H3C6: variants seen among roughly 807,000 people sequenced by gnomAD.
The protein encoded by H3C6 is H3 clustered histone 6, also known as histone H3.1.
H3C6 carries 17 observed loss-of-function variants against 8.0 expected under a neutral mutation model. That is an observed-to-expected ratio of 2.13 (90% CI 1.46 to 3.19). The LOEUF (loss-of-function observed/expected upper bound fraction) is 3.19, where lower values mean the gene tolerates loss of function less well. Among genes scored for constraint, H3C6 ranks in the 30% most tolerant of loss-of-function variants. H3C6 has a pLI of 0.00. For synonymous variants in H3C6, 169 were observed against 78.0 expected (o/e 2.17, Z -6.15); for missense variants, 298 against 193.8 (o/e 1.54, Z -3.19).
chr6:26,225,823 C>A, downstream of H3C6: 2 of 409,200 alleles, frequency 4.9e-6, no homozygotes, highest in South Asian at 3.4e-5. Flanking sequence ...TTTTGCTGTT[C>A]AGGCCCTCTG....
rs373191877 is a variant in H3C6, at chr6:26,225,461, G to T, written c.307G>T (p.Gly103Trp). 3.7e-6 allele frequency: 6 copies of T among 1,614,238 alleles called. No individual in the cohort carries two copies. Among genetic ancestry groups the T allele is most frequent in the Non-Finnish European group, 4.2e-6 (5 of 1,180,044 alleles). The stretch of plus-strand genomic sequence containing the variant: ...GGAGGCCTGCGAGGCCTACTTGGTG[G>T]GGCTTTTCGAGGACACCAACCTGTG... The part of the protein sequence containing the change: ...LQEACEAYLV[G>W]LFEDTNLCAI... The change falls in exon 1 of 1, where the codon GGG becomes TGG. Residue 103 changes from glycine to tryptophan, a missense_variant. Gly to Trp is a radical substitution (Grantham distance 184, BLOSUM62 -2). Transcript: ENST00000614911.
At chr6:26,225,685 G>A (rs1390532678), downstream of H3C6, 4 of 1,217,300 alleles carry the variant, frequency 3.3e-6, no homozygotes, top group African/African-American at 3.0e-5. Context: ...GATCCAAATA[G>A]ACATTTGAAA....
At chr6:26,226,513 T>C (rs1442352317), downstream of H3C6, 2 of 152,328 alleles carry the variant, frequency 1.3e-5, no homozygotes. Context: ...TGCCTCAGCC[T>C]TCCGAGTAGC....
upstream of H3C6, chr6:26,224,923 CAAA>C (rs1332053263): frequency 2.0e-4 from 87 of 425,294 alleles, 2 homozygotes; most frequent in East Asian, 3.5e-3. Context: ...CGTGAAACAT[CAAA>C]GAAACCTGTA....
At chr6:26,224,459 A>T (rs186138019), upstream of H3C6, among the ~76,000 whole-genome samples, 22 of 152,342 alleles carry the variant, frequency 1.4e-4, no homozygotes, top group African/African-American at 5.3e-4. Flanking sequence ...CTTTTTCAAG[A>T]TTTTAAATTG....
Position 26,225,421 on chromosome 6 carries a change from G to T in H3C6, c.267G>T (p.Ala89=). 4 of 1,614,264 alleles carry T rather than the reference G, an allele frequency of 2.5e-6. No homozygotes were observed. The highest frequency in any genetic ancestry group is 3.4e-6 in the Non-Finnish European group (4 of 1,180,040). ...FKTDLRFQSS[A]VMALQEACEA... ...CCGACCTGCGCTTCCAGAGTTCCGCGGTGATGGCGCTGCAGGAGGCCTGCG... is the reference window on the plus strand; with the variant it reads ...CCGACCTGCGCTTCCAGAGTTCCGCTGTGATGGCGCTGCAGGAGGCCTGCG... The change falls in exon 1 of 1, where the codon GCG becomes GCT. Residue 89 remains alanine, a synonymous_variant. Transcript: ENST00000614911.
At position 26,225,406 on chromosome 6, in the gene H3C6, C is replaced by G. The variant is rs141981231; in HGVS notation, c.252C>G (p.Arg84=). 24 of 1,614,162 alleles carry G rather than the reference C, an allele frequency of 1.5e-5. No homozygotes were observed. The African/African-American group carries it at 3.1e-4, about 21-fold the overall frequency. The change falls in exon 1 of 1, where the codon CGC becomes CGG. Residue 84 remains arginine (R), a synonymous_variant. Transcript: ENST00000614911. ...EIAQDFKTDL[R]FQSSAVMALQ... ...CTCAGGACTTCAAGACCGACCTGCG[C>G]TTCCAGAGTTCCGCGGTGATGGCGC... is the stretch of plus-strand genomic sequence containing the variant.
At chr6:26,226,778 A>G (rs1664025000), downstream of H3C6, 1 of 152,236 alleles carries the variant, frequency 6.6e-6, no homozygotes, top group Admixed American at 6.5e-5. Context: ...ACGAAATCAT[A>G]CAGGCTGTTA....
At chr6:26,225,128 C>T (rs763575860), upstream of H3C6, 14 of 1,527,358 alleles carry the variant, frequency 9.2e-6, no homozygotes, top group Middle Eastern at 1.8e-4. Context: ...ACCAATCTTC[C>T]TAACTCATTT....
chr6:26,225,257 G>T lies in H3C6; in HGVS notation c.103G>T (p.Gly35Cys). Residue 35 changes from glycine (G) to cysteine (C), a missense_variant, in exon 1 of 1, where the codon GGC becomes TGC. Coordinates refer to ENST00000614911, the MANE Select transcript of H3C6 (RefSeq NM_003532.3). Reference protein sequence around the residue: ...AARKSAPATGGVKKPHRYRPG... With the variant: ...AARKSAPATGCVKKPHRYRPG... Reference sequence around the variant, plus strand: ...TCGCAAGAGCGCTCCGGCCACGGGCGGCGTGAAGAAGCCCCATCGCTACCG... The same window carrying T: ...TCGCAAGAGCGCTCCGGCCACGGGCTGCGTGAAGAAGCCCCATCGCTACCG... 6.2e-7 allele frequency: 1 copy of T among 1,613,912 alleles called. No homozygotes were observed. Among genetic ancestry groups the T allele is most frequent in the Non-Finnish European group, 8.5e-7 (1 of 1,179,872 alleles).
At chr6:26,226,357 TTTTCTTA>T (rs1379266304), downstream of H3C6, 1 of 142,518 alleles carries the variant, frequency 7.0e-6, no homozygotes, top group African/African-American at 2.6e-5. Context: ...TGCTTTTTTC[TTTTCTTA>T]TTTATTTATT....
rs546816945 is a variant in H3C6, at chr6:26,225,209, A to C, written c.55A>C (p.Lys19Gln). ...RKSTGGKAPR[K>Q]QLATKAARKS... ...ATCCACAGGCGGTAAAGCACCGCGC[A>C]AACAGCTGGCCACTAAGGCAGCTCG... Residue 19 changes from lysine to glutamine, a missense_variant, in exon 1 of 1, where the codon AAA (lysine) becomes CAA (glutamine). By Grantham distance (53) the Lys-to-Gln change is moderately conservative. Transcript: ENST00000614911. The C allele has an allele frequency of 1.2e-6, 2 of 1,604,756 alleles. No homozygotes were observed. The highest frequency in any genetic ancestry group is 1.7e-6 in the Non-Finnish European group (2 of 1,175,468).
chr6:26,225,712 C>G, downstream of H3C6: 4 of 1,016,100 alleles, frequency 3.9e-6, no homozygotes, highest in Non-Finnish European at 5.6e-6. Flanking sequence ...CATTCAGTTC[C>G]CTCGATGCTT....
Position 26,225,207 on chromosome 6 carries a change from GCAAA to G in H3C6, c.56_59del (p.Lys19SerfsTer17). On this transcript the variant is annotated frameshift_variant, in exon 1 of 1. Coordinates refer to ENST00000614911, the MANE Select transcript of H3C6 (RefSeq NM_003532.3). LOFTEE classifies it high-confidence loss of function. ...AAATCCACAGGCGGTAAAGCACCGC[GCAAA>G]CAGCTGGCCACTAAGGCAGCTCGCA... The G allele has an allele frequency of 6.2e-7, 1 of 1,603,304 alleles. No homozygotes were observed. Among genetic ancestry groups the G allele is most frequent in the Non-Finnish European group, 8.5e-7 (1 of 1,174,654 alleles).
chr6:26,225,856 C>A, downstream of H3C6: 2 of 295,706 alleles, frequency 6.8e-6, 1 homozygote, highest in Non-Finnish European at 1.3e-5. Flanking sequence ...ACATTGTTCT[C>A]GTTTTCTAAA....
chr6:26,225,617 CT>C (rs1460925926), downstream of H3C6: 17 of 1,560,424 alleles, frequency 1.1e-5, no homozygotes, highest in Non-Finnish European at 1.4e-5. Context: ...GAGCCAACCA[CT>C]TTGTCCGTGA....
rs1472679242 is a variant in H3C6 at position 26,225,546 on chromosome 6, T to C, written c.392T>C (p.Ile131Thr). ...AAAGACATCCAGCTTGCCCGCCGCA[T>C]TCGTGGGGAGAGGGCGTGAATTGTT... ...MPKDIQLARR[I>T]RGERA is the part of the protein sequence containing the mutation. The change falls in exon 1 of 1, where the codon ATT (isoleucine) becomes ACT (threonine). Residue 131 changes from isoleucine to threonine, a missense_variant. By Grantham distance (89) the Ile-to-Thr change is moderately conservative. Coordinates refer to ENST00000614911, the MANE Select transcript of H3C6 (RefSeq NM_003532.3). The C allele has an allele frequency of 6.2e-7, 1 of 1,613,848 alleles. No homozygotes were observed. The highest frequency in any genetic ancestry group is 2.2e-5 in the East Asian group (1 of 44,880).
Position 26,225,588 on chromosome 6 carries a change from AATC to A in H3C6, c.*24_*26del, listed in dbSNP as rs757613334. On this transcript the variant is annotated 3_prime_UTR_variant, in exon 1 of 1. Coordinates refer to ENST00000614911, the MANE Select transcript of H3C6 (RefSeq NM_003532.3). The stretch of plus-strand genomic sequence containing the variant: ...TGAATTGTTTTGAGTACAAACCTTA[AATC>A]CAAAGGCTCTTCTCAGAGCCAACCA... 17 of 1,599,728 alleles carry A rather than the reference AATC, an allele frequency of 1.1e-5. No individual in the cohort carries two copies. Among genetic ancestry groups the A allele is most frequent in the Non-Finnish European group, 1.3e-5 (15 of 1,173,018 alleles).
chr6:26,225,707 A>T (rs111361052), downstream of H3C6: 2,054 of 1,053,976 alleles, frequency 1.9e-3, 16 homozygotes, highest in African/African-American at 0.024. Flanking sequence ...AGTGGCATTC[A>T]GTTCCCTCGA....
Sources: gnomAD v4.1 joint callset for allele counts (sites outside exome capture counted in the v4.1 genomes callset) on GRCh38, gnomAD v4.1.1 for gene constraint, MANE v1.5 for transcripts, NCBI Gene and HGNC (gene_info 2026-07-23, HGNC 2026-07-21) for gene names.